Variants in CCDC93 observed in about 807,000 individuals in gnomAD.
The protein encoded by CCDC93 is CCC complex scaffolding subunit CCDC93.
A neutral mutation model predicts 108.2 loss-of-function variants in CCDC93; 61 were observed. The observed-to-expected ratio is 0.56, with a 90% CI of 0.46 to 0.70. The LOEUF (loss-of-function observed/expected upper bound fraction) is 0.70, where lower values mean the gene tolerates loss of function less well. Among genes scored for constraint, CCDC93 ranks in the 30% least tolerant of loss-of-function variants. The probability of loss-of-function intolerance (pLI) is 0.00; values close to 1 mark genes in which losing one functional copy is unlikely to be tolerated. For synonymous variants in CCDC93, 276 were observed against 260.4 expected, an observed-to-expected ratio of 1.06 and a Z score of -0.58; for missense variants, 685 against 764.2, an observed-to-expected ratio of 0.90 and a Z score of 1.22.
chr2:117,978,073 T>A, intron 7 of CCDC93, 43 bp from the exon 8 acceptor site: 1 of 1,551,842 alleles, frequency 6.4e-7, no homozygotes, highest in Non-Finnish European at 8.9e-7. Context: ...CTTAAAAAAT[T>A]ACAATACATT....
At chr2:117,991,593 AACATATAAC>A (rs1680476266) in intron 6 of CCDC93, among the ~76,000 whole-genome samples, 1 of 152,186 alleles carries the variant, frequency 6.6e-6, no homozygotes, top group African/African-American at 2.4e-5. Flanking sequence ...TGGAAATAAT[AACATATAAC>A]TCCTGGAGTG....
chr2:117,983,017 G>A (rs1558795016), intron 7 of CCDC93, among the ~76,000 whole-genome samples: 2 of 152,162 alleles, frequency 1.3e-5, no homozygotes, highest in Admixed American at 6.5e-5. Flanking sequence ...AAGGTCACAT[G>A]TTAGAACAGG....
chr2:118,006,038 TC>T (rs1676858181), intron 3 of CCDC93, among the ~76,000 whole-genome samples: 1 of 152,078 alleles, frequency 6.6e-6, no homozygotes, highest in African/African-American at 2.4e-5. Context: ...CACTTTTTTT[TC>T]CCCCTTTGCT....
intron 20 of CCDC93, among the ~76,000 whole-genome samples, chr2:117,938,820 T>C (rs555199446): frequency 1.1e-4 from 17 of 152,326 alleles, no homozygotes; most frequent in African/African-American, 4.1e-4. Context: ...CTAGAATGGC[T>C]GTCTACCAGT....
chr2:117,921,176 C>CA (rs34197714), intron 23 of CCDC93, among the ~76,000 whole-genome samples: 18,615 of 75,756 alleles, frequency 0.25, 1,740 homozygotes, highest in East Asian at 0.31. Context: ...GGCTCTGTCT[C>CA]AAAAAAAAAA....
chr2:117,973,821 AC>A (rs1679844080), intron 11 of CCDC93, 86 bp downstream of exon 11: 4 of 969,176 alleles, frequency 4.1e-6, no homozygotes, highest in Non-Finnish European at 4.8e-6. Context: ...AACACGGGGC[AC>A]TGCTGGGGTA....
At chr2:117,926,680 T>G (rs917647092) in intron 23 of CCDC93, among the ~76,000 whole-genome samples, 9 of 152,244 alleles carry the variant, frequency 5.9e-5, no homozygotes, top group African/African-American at 2.2e-4. Context: ...AGCCAAATTC[T>G]ACCAGAGGTA....
chr2:117,931,490 C>A (rs574217782), intron 22 of CCDC93: 1 of 250,844 alleles, frequency 4.0e-6, no homozygotes, highest in Non-Finnish European at 7.8e-6. Flanking sequence ...GTCACAACTG[C>A]GAGAAGTGGG....
chr2:118,012,308 C>T (rs899335624), intron 1 of CCDC93, among the ~76,000 whole-genome samples: 2 of 151,770 alleles, frequency 1.3e-5, no homozygotes, highest in Non-Finnish European at 2.9e-5. Flanking sequence ...AATGAATTAA[C>T]TGGTCTAGTG....
rs1677773490 is a variant in CCDC93, at chr2:117,918,852, C to T, written c.*1491G>A. 6.6e-6 allele frequency: 1 copy of T among 152,244 alleles called. No individual in the cohort carries two copies. Among genetic ancestry groups the T allele is most frequent in the African/African-American group, 2.4e-5 (1 of 41,462 alleles). The allele number at this position is 152,244 out of a possible 1,614,324, so 9.4% of individuals were successfully genotyped here. ...GCCTGGCTCAGGTAGGCCTTGCTGG[C>T]CCTGGCACTGAAACCAGTGGCTGTT... On this transcript the variant is annotated 3_prime_UTR_variant, in exon 24 of 24. Coordinates refer to ENST00000376300, the MANE Select transcript of CCDC93 (RefSeq NM_019044.5).
intron 19 of CCDC93, among the ~76,000 whole-genome samples, chr2:117,940,579 G>A (rs1284421071): frequency 6.6e-6 from 1 of 152,222 alleles, no homozygotes; most frequent in Non-Finnish European, 1.5e-5. Context: ...TTAGCAGAGA[G>A]AGAAGTGACA....
intron 22 of CCDC93, 67 bp downstream of exon 22, chr2:117,935,428 C>A: frequency 2.4e-6 from 3 of 1,239,422 alleles, no homozygotes; most frequent in South Asian, 1.2e-5. Flanking sequence ...GAGGCCTTTT[C>A]TTCCCAGGAC....
chr2:117,934,329 T>G (rs558993567), intron 22 of CCDC93, among the ~76,000 whole-genome samples: 10 of 152,284 alleles, frequency 6.6e-5, no homozygotes, highest in African/African-American at 2.2e-4. Context: ...AGCCAGGTTC[T>G]CTGCCCTCCA....
chr2:117,985,660 G>GT (rs1276796946), intron 7 of CCDC93, among the ~76,000 whole-genome samples: 1 of 152,114 alleles, frequency 6.6e-6, no homozygotes, highest in African/African-American at 2.4e-5. Flanking sequence ...CACTGAAACT[G>GT]TTTTCATTTA....
chr2:118,009,634 T>C (rs1676971167), intron 1 of CCDC93, among the ~76,000 whole-genome samples: 1 of 152,082 alleles, frequency 6.6e-6, no homozygotes, highest in South Asian at 2.1e-4. Flanking sequence ...ACTGTGCCAT[T>C]GCACTCCAGC....
rs1414571919 is a variant in CCDC93, at chr2:117,918,971, G to C, written c.*1372C>G. 1 of 152,288 alleles carries C rather than the reference G, an allele frequency of 6.6e-6. No individual in the cohort carries two copies. Among genetic ancestry groups the C allele is most frequent in the East Asian group, 1.9e-4 (1 of 5,186 alleles). The allele number at this position is 152,288 out of a possible 1,614,324, so 9.4% of individuals were successfully genotyped here. A position where few individuals can be genotyped will look rare whatever the true frequency, so the allele number is the denominator to read the frequency against. ...GACTAAAAATGAACACATTTCTGTG[G>C]CTGCTGAATGCCCCACTTGCTTGAC... On this transcript the variant is annotated 3_prime_UTR_variant, in exon 24 of 24. Coordinates refer to ENST00000376300, the MANE Select transcript of CCDC93 (RefSeq NM_019044.5).
At chr2:117,946,390 C>T (rs1373766173) in intron 16 of CCDC93, among the ~76,000 whole-genome samples, 1 of 152,204 alleles carries the variant, frequency 6.6e-6, no homozygotes, top group African/African-American at 2.4e-5. Flanking sequence ...TCTGTTAAAT[C>T]CAACACTGCT....
chr2:117,927,478 A>G (rs1678159265), intron 23 of CCDC93, among the ~76,000 whole-genome samples: 1 of 152,204 alleles, frequency 6.6e-6, no homozygotes, highest in Non-Finnish European at 1.5e-5. Flanking sequence ...AATAACAGAC[A>G]GAGAGCCAAA....
At chr2:117,937,592 C>T (rs1051385527) in intron 20 of CCDC93, among the ~76,000 whole-genome samples, 1 of 152,174 alleles carries the variant, frequency 6.6e-6, no homozygotes, top group Non-Finnish European at 1.5e-5. Flanking sequence ...CAGTCTGCCT[C>T]GCAATATTCC....
Sources: allele counts gnomAD v4.1 joint callset (sites outside exome capture counted in the v4.1 genomes callset), GRCh38; gene constraint gnomAD v4.1.1; transcripts MANE v1.5; gene names NCBI Gene and HGNC (gene_info 2026-07-23, HGNC 2026-07-21).